ARL15: variants seen among roughly 807,000 people sequenced by gnomAD.
ARL15 encodes ARF like GTPase 15.
Under a neutral mutation model 25.2 loss-of-function variants are expected in ARL15, and 19 were observed. That is an observed-to-expected ratio of 0.75 (90% CI 0.53 to 1.10). ARL15 has a LOEUF of 1.10. Ranked by LOEUF, ARL15 falls within the 50% of genes least tolerant of loss-of-function variation. The probability of loss-of-function intolerance (pLI) is 0.00; values close to 1 mark genes in which losing one functional copy is unlikely to be tolerated. For missense variants in ARL15, 220 were observed against 246.0 expected (o/e 0.89, Z 0.71); for synonymous variants, 94 against 86.8 (o/e 1.08, Z -0.46).
chr5:53,907,473 T>TATATATAC (rs1554025264), intron 4 of ARL15, among the ~76,000 whole-genome samples: 32 of 27,648 alleles, frequency 1.2e-3, no homozygotes, highest in African/African-American at 5.0e-3. Flanking sequence ...TATATATATA[T>TATATATAC]ATATATATAT....
chr5:54,297,488 C>T (rs570409833), intron 1 of ARL15, among the ~76,000 whole-genome samples: 2 of 152,340 alleles, frequency 1.3e-5, no homozygotes, highest in African/African-American at 4.8e-5. Flanking sequence ...GAGGTTAGCC[C>T]TCTTATGTTA....
At chr5:53,975,097 C>T (rs1160608047) in intron 4 of ARL15, among the ~76,000 whole-genome samples, 2 of 152,180 alleles carry the variant, frequency 1.3e-5, no homozygotes, top group Non-Finnish European at 2.9e-5. Context: ...ATCCTCTACT[C>T]CAGCCTGAAA....
chr5:53,945,739 A>G (rs111532565), intron 4 of ARL15, among the ~76,000 whole-genome samples: 4 of 152,372 alleles, frequency 2.6e-5, no homozygotes, highest in African/African-American at 9.6e-5. Flanking sequence ...AACTTGAAAT[A>G]TATGGCCATT....
intron 4 of ARL15, among the ~76,000 whole-genome samples, chr5:53,892,013 G>A (rs1425980477): frequency 6.6e-6 from 1 of 152,164 alleles, no homozygotes; most frequent in Non-Finnish European, 1.5e-5. Flanking sequence ...TTTCCCCCAT[G>A]AGCTTTTTAG....
chr5:54,046,223 G>A (rs1309738419), intron 4 of ARL15, among the ~76,000 whole-genome samples: 1 of 152,212 alleles, frequency 6.6e-6, no homozygotes. Flanking sequence ...GCTTACACCT[G>A]TAATCCCAGC....
At chr5:54,068,772 T>G (rs894933152) in intron 4 of ARL15, among the ~76,000 whole-genome samples, 4 of 152,194 alleles carry the variant, frequency 2.6e-5, no homozygotes, top group African/African-American at 9.7e-5. Context: ...AGGCTCTTAG[T>G]AAGTACAATA....
intron 2 of ARL15, among the ~76,000 whole-genome samples, chr5:54,170,787 T>C (rs1031588522): frequency 6.6e-6 from 1 of 152,176 alleles, no homozygotes; most frequent in African/African-American, 2.4e-5. Context: ...ATGAACTTAA[T>C]GTTTATGCAG....
chr5:54,033,881 T>G (rs1377714035), intron 4 of ARL15, among the ~76,000 whole-genome samples: 1 of 152,128 alleles, frequency 6.6e-6, no homozygotes, highest in Non-Finnish European at 1.5e-5. Context: ...TGGCCTGATC[T>G]TGGCTCACTG....
intron 4 of ARL15, among the ~76,000 whole-genome samples, chr5:54,056,597 T>G: frequency 6.9e-6 from 1 of 145,814 alleles, no homozygotes; most frequent in East Asian, 2.0e-4. Context: ...GCCACTGCAC[T>G]CCAGCCTGGG....
rs191195391 is a variant in ARL15, at chr5:54,060,351, G to T, written c.462+52851C>A. On this transcript the variant is annotated intron_variant, in intron 4 of 4. Coordinates refer to ENST00000504924, the MANE Select transcript of ARL15 (RefSeq NM_019087.3). ...GGCTGAGGCAGGAGAATTGCTTGAA[G>T]CGGGACCCAGGAGGTGGAGGTTGCA... Among the ~76,000 whole-genome samples, 3 of 152,152 alleles carry T rather than the reference G, an allele frequency of 2.0e-5. No individual in the cohort carries two copies. In the East Asian group the frequency reaches 5.8e-4, roughly 29 times the overall value.
rs570207621 is a variant in ARL15 at position 53,896,480 on chromosome 5, C to CTTTA, written c.463-9771_463-9768dup. ...TCTAATTGAACTTGTGTTGGTTTCC[C>CTTTA]TTTATTTATTTATTTATTTTTTCTT... On this transcript the variant is annotated intron_variant, in intron 4 of 4. Transcript: ENST00000504924. 9.9e-5 allele frequency among the ~76,000 whole-genome samples: 15 copies of CTTTA among 151,832 alleles called. No homozygotes were observed. In the East Asian group the frequency reaches 1.4e-3, roughly 14 times the overall value.
intron 1 of ARL15, among the ~76,000 whole-genome samples, chr5:54,222,709 G>C (rs993261744): frequency 6.6e-6 from 1 of 152,172 alleles, no homozygotes; most frequent in African/African-American, 2.4e-5. Context: ...AGGAGCAGTA[G>C]GAAACTGTTC....
At chr5:53,919,936 T>A (rs1425755650) in intron 4 of ARL15, among the ~76,000 whole-genome samples, 1 of 152,178 alleles carries the variant, frequency 6.6e-6, no homozygotes, top group East Asian at 1.9e-4. Context: ...AGCTTCCTAA[T>A]TTTTTAAAAT....
intron 4 of ARL15, among the ~76,000 whole-genome samples, chr5:54,002,952 T>G (rs1163202164): frequency 6.6e-6 from 1 of 152,154 alleles, no homozygotes; most frequent in Non-Finnish European, 1.5e-5. Flanking sequence ...AACCAGGTCT[T>G]GATAGTTAAT....
chr5:53,998,584 T>C (rs1748760567), intron 4 of ARL15, among the ~76,000 whole-genome samples: 1 of 152,076 alleles, frequency 6.6e-6, no homozygotes, highest in Non-Finnish European at 1.5e-5. Context: ...GGCAGAAACA[T>C]AAAGGGAAGG....
At chr5:53,959,148 T>C (rs1026141406) in intron 4 of ARL15, among the ~76,000 whole-genome samples, 1 of 152,214 alleles carries the variant, frequency 6.6e-6, no homozygotes, top group South Asian at 2.1e-4. Flanking sequence ...AGACAGATCA[T>C]ATATTAGACC....
chr5:54,297,579 T>C (rs1758498623), intron 1 of ARL15, among the ~76,000 whole-genome samples: 1 of 152,276 alleles, frequency 6.6e-6, no homozygotes, highest in Non-Finnish European at 1.5e-5. Context: ...TTCTATCTAA[T>C]TAAAATTATA....
At chr5:54,195,672 G>A (rs907202362) in intron 1 of ARL15, among the ~76,000 whole-genome samples, 1 of 152,116 alleles carries the variant, frequency 6.6e-6, no homozygotes, top group African/African-American at 2.4e-5. Flanking sequence ...CCCTCCTAGA[G>A]ATGATCAGTG....
chr5:54,224,025 T>A (rs1756449503), intron 1 of ARL15, among the ~76,000 whole-genome samples: 1 of 152,130 alleles, frequency 6.6e-6, no homozygotes. Context: ...CAAACAGACA[T>A]GCCAGAGCTT....
Sources: allele counts gnomAD v4.1 joint callset (sites outside exome capture counted in the v4.1 genomes callset), GRCh38; gene constraint gnomAD v4.1.1; transcripts MANE v1.5; gene names NCBI Gene and HGNC (gene_info 2026-07-23, HGNC 2026-07-21).